Variants in SORCS2 observed in about 807,000 individuals in gnomAD.
SORCS2 encodes the protein sortilin related VPS10 domain containing receptor 2.
In SORCS2, 100 loss-of-function variants were observed where a neutral mutation model predicts 141.6. The observed-to-expected ratio is 0.71, with a 90% CI of 0.60 to 0.83. The LOEUF is 0.83. Ranked by LOEUF, SORCS2 falls within the 40% of genes least tolerant of loss-of-function variation. The pLI, the probability that SORCS2 is intolerant of heterozygous loss-of-function variation, is 0.00. For synonymous variants in SORCS2, 789 were observed against 676.9 expected (o/e 1.17, Z -2.57); for missense variants, 1,646 against 1,560.2 (o/e 1.05, Z -0.93).
chr4:7,396,235 G>T, intron 1 of SORCS2, 53 bp from the exon 2 acceptor site: 7 of 1,573,220 alleles, frequency 4.4e-6, no homozygotes, highest in Non-Finnish European at 5.2e-6. Context: ...ACCTCTCTTT[G>T]AGAACCTTGG....
At chr4:7,258,856 T>C (rs758613990) in intron 1 of SORCS2, among the ~76,000 whole-genome samples, 11 of 152,260 alleles carry the variant, frequency 7.2e-5, no homozygotes, top group Non-Finnish European at 1.6e-4. Flanking sequence ...GGTTTTGATC[T>C]GCATTTCTCT....
intron 2 of SORCS2, among the ~76,000 whole-genome samples, chr4:7,483,823 G>A (rs1314472758): frequency 6.6e-6 from 1 of 152,152 alleles, no homozygotes; most frequent in Non-Finnish European, 1.5e-5. Context: ...TAGATGACGG[G>A]TTGATGGGTG....
intron 3 of SORCS2, among the ~76,000 whole-genome samples, 170 bp from the exon 4 acceptor site, chr4:7,638,158 C>T (rs890735516): frequency 3.9e-5 from 6 of 152,176 alleles, no homozygotes; most frequent in Non-Finnish European, 8.8e-5. Context: ...TCTGGGCACT[C>T]CTCCCTGGTA....
chr4:7,418,153 C>A (rs151127585), intron 2 of SORCS2, among the ~76,000 whole-genome samples: 162 of 152,250 alleles, frequency 1.1e-3, no homozygotes, highest in Non-Finnish European at 1.8e-3. Flanking sequence ...TTTTTCTGAG[C>A]GCTCAGCACA....
chr4:7,337,269 C>T (rs932833375), intron 1 of SORCS2, among the ~76,000 whole-genome samples: 6 of 152,100 alleles, frequency 3.9e-5, no homozygotes, highest in South Asian at 2.1e-4. Context: ...GGAGACCTGA[C>T]GGGGAGGGAT....
chr4:7,674,693 G>A (rs959722985), intron 8 of SORCS2, among the ~76,000 whole-genome samples: 2 of 151,344 alleles, frequency 1.3e-5, no homozygotes, highest in African/African-American at 2.4e-5. Context: ...GGGCCTCAGC[G>A]TTCAGGAGTC....
intron 3 of SORCS2, among the ~76,000 whole-genome samples, chr4:7,603,018 G>A (rs1400369406): frequency 6.6e-6 from 1 of 152,216 alleles, no homozygotes. Flanking sequence ...AACCAGTCAG[G>A]CGTGGTGGTG....
At position 7,663,151 on chromosome 4, in the gene SORCS2, A is replaced by T. The variant is rs1722282563; in HGVS notation, c.953-1202A>T. 6.6e-6 allele frequency among the ~76,000 whole-genome samples: 1 copy of T among 151,368 alleles called. No individual in the cohort carries two copies. Among genetic ancestry groups the T allele is most frequent in the African/African-American group, 2.4e-5 (1 of 41,024 alleles). The stretch of plus-strand genomic sequence containing the variant: ...GTGAATAAGTGAGTGAGTAATTGAA[A>T]GAGTGAGTGAGTGAATGAGTGATGA... On this transcript the variant is annotated intron_variant, in intron 6 of 26. Coordinates refer to ENST00000507866, the MANE Select transcript of SORCS2 (RefSeq NM_020777.3). This position sits in a 1 kb window ranked among gnomAD's most constrained non-coding sequence, Gnocchi z 4.8.
At chr4:7,224,584 T>C (rs527275980) in intron 1 of SORCS2, among the ~76,000 whole-genome samples, 1 of 152,368 alleles carries the variant, frequency 6.6e-6, no homozygotes, top group East Asian at 1.9e-4. Context: ...CCAGATCTTA[T>C]GAGAACTCAC....
At chr4:7,714,183 C>T (rs1650144465) in intron 15 of SORCS2, 57 bp from the exon 16 acceptor site, 21 of 1,570,260 alleles carry the variant, frequency 1.3e-5, no homozygotes, top group Non-Finnish European at 1.7e-5. Context: ...GGCACAAGGC[C>T]TTGTAGAGCA....
chr4:7,497,138 A>G (rs1190668371), intron 2 of SORCS2, among the ~76,000 whole-genome samples: 1 of 152,230 alleles, frequency 6.6e-6, no homozygotes, highest in Non-Finnish European at 1.5e-5. Flanking sequence ...GCAGTGGCCG[A>G]AGCCTCAGGC....
At chr4:7,574,279 A>G (rs1220506708) in intron 3 of SORCS2, among the ~76,000 whole-genome samples, 4 of 152,186 alleles carry the variant, frequency 2.6e-5, no homozygotes, top group Admixed American at 2.6e-4. Flanking sequence ...CCACGGGATC[A>G]CCTTGATGAC....
intron 1 of SORCS2, among the ~76,000 whole-genome samples, chr4:7,224,662 C>G (rs879728285): frequency 1.3e-5 from 2 of 152,222 alleles, no homozygotes; most frequent in Admixed American, 6.5e-5. Context: ...TGACCTCCCC[C>G]CAGGCCCCAC....
intron 14 of SORCS2, among the ~76,000 whole-genome samples, chr4:7,705,326 G>T (rs917340545): frequency 6.6e-6 from 1 of 152,180 alleles, no homozygotes; most frequent in Non-Finnish European, 1.5e-5. Context: ...TCAGCCTTCT[G>T]GCCTCCAGAG....
intron 1 of SORCS2, among the ~76,000 whole-genome samples, chr4:7,204,214 C>T (rs1294924580): frequency 1.3e-5 from 2 of 151,982 alleles, no homozygotes; most frequent in Non-Finnish European, 1.5e-5. Flanking sequence ...GGTAATCCTA[C>T]GTCAGTTTTT....
chr4:7,192,696 C>T lies in SORCS2; in HGVS notation c.50C>T (p.Ala17Val), dbSNP rs1018394834. ...SRASKGPGPT[A>V]RAPSPGAPPP... ...GCCTCGAAGGGCCCCGGCCCCACCG[C>T]CCGAGCCCCGAGCCCCGGGGCTCCG... Residue 17 changes from alanine (A) to valine (V), a missense_variant, in exon 1 of 27, where the codon GCC becomes GTC. Transcript: ENST00000507866. This position sits in a 1 kb window ranked among gnomAD's most constrained non-coding sequence, Gnocchi z 4.0. The T allele has an allele frequency of 3.0e-5, 30 of 988,832 alleles. No homozygotes were observed. Among genetic ancestry groups the T allele is most frequent in the Non-Finnish European group, 3.5e-5 (29 of 833,792 alleles). 61.3% of individuals were successfully genotyped at this position (988,832 alleles called of 1,614,324 possible).
At chr4:7,413,083 A>G (rs1375384709) in intron 2 of SORCS2, among the ~76,000 whole-genome samples, 1 of 152,168 alleles carries the variant, frequency 6.6e-6, no homozygotes, top group Non-Finnish European at 1.5e-5. Flanking sequence ...GGTACTGGGT[A>G]GTGCTTTAAG....
intron 1 of SORCS2, among the ~76,000 whole-genome samples, chr4:7,247,822 C>T (rs548713636): frequency 2.3e-4 from 35 of 152,324 alleles, no homozygotes; most frequent in East Asian, 5.8e-4. Flanking sequence ...AGGACCACTG[C>T]GTGGTCAGAT....
intron 2 of SORCS2, among the ~76,000 whole-genome samples, chr4:7,480,508 G>A (rs1171411792): frequency 1.3e-5 from 2 of 152,202 alleles, no homozygotes; most frequent in South Asian, 2.1e-4. Context: ...TGCTGGGAGT[G>A]CAGGCTGTGT....
Sources: gnomAD v4.1 joint callset for allele counts (sites outside exome capture counted in the v4.1 genomes callset) on GRCh38, gnomAD v4.1.1 for gene constraint, Gnocchi (gnomAD v3.1) non-coding constraint, MANE v1.5 for transcripts, NCBI Gene and HGNC (gene_info 2026-07-23, HGNC 2026-07-21) for gene names.